The following COPG2 variants were observed in gnomAD, a reference collection of about 807,000 sequenced individuals.
The protein encoded by COPG2 is coat protein complex I subunit gamma 2.
A neutral mutation model predicts 46.3 loss-of-function variants in COPG2; 37 were observed. The observed-to-expected ratio is 0.80, with a 90% CI of 0.61 to 1.05. COPG2 has a LOEUF of 1.05. Ranked by LOEUF, COPG2 falls within the 50% of genes least tolerant of loss-of-function variation. The probability of loss-of-function intolerance (pLI) is 0.00; values close to 1 mark genes in which losing one functional copy is unlikely to be tolerated. For missense variants in COPG2, 427 were observed against 387.8 expected (o/e 1.10, Z -0.85); for synonymous variants, 159 against 129.7 (o/e 1.23, Z -1.53).
chr7:130,555,762 G>A lies in COPG2; in HGVS notation c.1129-630C>T, dbSNP rs990597958. On this transcript the variant is annotated intron_variant, in intron 12 of 23. Transcript: ENST00000425248. Reference sequence around the variant, plus strand: ...TGAGAATTGGTTGAACCTGGGAGGCGGAGGTTGCAGTCAGTTGAGATCGCA... The same window carrying A: ...TGAGAATTGGTTGAACCTGGGAGGCAGAGGTTGCAGTCAGTTGAGATCGCA... 7.9e-5 allele frequency among the ~76,000 whole-genome samples: 12 copies of A among 152,098 alleles called. 1 individual carries two copies. In the South Asian group the frequency reaches 1.0e-3, roughly 13 times the overall value.
chr7:130,651,648 C>G (rs1436065478), intron 5 of COPG2, among the ~76,000 whole-genome samples: 1 of 151,314 alleles, frequency 6.6e-6, no homozygotes, highest in African/African-American at 2.4e-5. Context: ...TCCCGAGTAG[C>G]TGGGACTACA....
chr7:130,556,704 T>G (rs931932771), intron 12 of COPG2, among the ~76,000 whole-genome samples: 54,195 of 151,868 alleles, frequency 0.36, 11,291 homozygotes, highest in African/African-American at 0.58. Context: ...ATGAAATGGG[T>G]TTTATCAAGA....
chr7:130,510,200 T>G, intron 20 of COPG2: 1 of 520,108 alleles, frequency 1.9e-6, no homozygotes, highest in Non-Finnish European at 3.8e-6. Context: ...AGAGAGCAGA[T>G]GGATTCAACA....
At chr7:130,632,721 C>T (rs1276386178) in intron 5 of COPG2, among the ~76,000 whole-genome samples, 1 of 151,966 alleles carries the variant, frequency 6.6e-6, no homozygotes, top group African/African-American at 2.4e-5. Context: ...CATCTCCATT[C>T]TGCTACTGAG....
intron 9 of COPG2, among the ~76,000 whole-genome samples, chr7:130,595,810 C>T (rs1326668034): frequency 3.3e-5 from 5 of 152,176 alleles, no homozygotes; most frequent in East Asian, 1.9e-4. Context: ...GGGACCCCCC[C>T]CCTCCAGCCT....
intron 5 of COPG2, 123 bp downstream of exon 5, chr7:130,652,746 T>C (rs1384204183): frequency 8.9e-6 from 6 of 670,842 alleles, no homozygotes; most frequent in African/African-American, 5.6e-5. Flanking sequence ...TAGAAAAGAA[T>C]GCTTTAAGAT....
chr7:130,509,584 C>T (rs1799562997), intron 20 of COPG2: 2 of 448,762 alleles, frequency 4.5e-6, no homozygotes, highest in Admixed American at 2.3e-5. Context: ...TCAGTCTTGA[C>T]TTTAAATTCC....
At chr7:130,651,494 A>ATTTTTTTTTTTTTTTTTTTTTTTTT (rs59572019) in intron 5 of COPG2, among the ~76,000 whole-genome samples, 2 of 57,242 alleles carry the variant, frequency 3.5e-5, no homozygotes, top group African/African-American at 1.4e-4. Flanking sequence ...ATTTTTTTGT[A>ATTTTTTTTTTTTTTTTTTTTTTTTT]TTTTTTTTTT....
rs35503772 is a variant in COPG2, at chr7:130,629,399, A to ATTT, written c.324-12337_324-12335dup. ...CTTCTGGAATTTTATTATTATTATC[A>ATTT]TTTTTTTTTTTTTGAGACAGAGTTT... On this transcript the variant is annotated intron_variant, in intron 5 of 23. Coordinates refer to ENST00000425248, the MANE Select transcript of COPG2 (RefSeq NM_012133.6). Among the ~76,000 whole-genome samples the ATTT allele has an allele frequency of 2.0e-3, 281 of 140,588 alleles. 3 individuals are homozygous for ATTT. Among genetic ancestry groups the ATTT allele is most frequent in the Admixed American group, 4.2e-3 (59 of 14,040 alleles). The allele number at this position is 140,588 out of a possible 152,430, so 92.2% of individuals were successfully genotyped here.
chr7:130,599,540 C>G (rs541301349), intron 9 of COPG2, among the ~76,000 whole-genome samples: 1 of 152,248 alleles, frequency 6.6e-6, no homozygotes, highest in East Asian at 1.9e-4. Context: ...GTAGCAGCCC[C>G]AAACCCCCCT....
chr7:130,540,209 G>A (rs1176570507), intron 20 of COPG2, among the ~76,000 whole-genome samples: 1 of 152,124 alleles, frequency 6.6e-6, no homozygotes, highest in Non-Finnish European at 1.5e-5. Context: ...AACTGAGCTG[G>A]TGGGTTACAT....
intron 20 of COPG2, among the ~76,000 whole-genome samples, chr7:130,521,971 T>A (rs1413537337): frequency 1.3e-5 from 2 of 152,106 alleles, no homozygotes; most frequent in Admixed American, 6.5e-5. Flanking sequence ...GTAGTATACT[T>A]AAATGTGATT....
intron 9 of COPG2, among the ~76,000 whole-genome samples, chr7:130,605,472 G>A (rs373316097): frequency 3.0e-4 from 45 of 152,332 alleles, no homozygotes; most frequent in African/African-American, 9.1e-4. Context: ...AGAGGAGGCA[G>A]AAGAAATGTG....
intron 20 of COPG2, among the ~76,000 whole-genome samples, chr7:130,540,259 G>A (rs1354953148): frequency 1.3e-5 from 2 of 152,124 alleles, no homozygotes; most frequent in Non-Finnish European, 2.9e-5. Context: ...TGGGGTAGCC[G>A]TCTAAATCCA....
rs782530697 is a variant in COPG2 at position 130,613,634 on chromosome 7, T to C, written c.402A>G (p.Gly134=). 5 of 1,591,390 alleles carry C rather than the reference T, an allele frequency of 3.1e-6. No homozygotes were observed. In the African/African-American group the frequency reaches 5.4e-5, roughly 17 times the overall value. The change falls in exon 7 of 24, where the codon GGA becomes GGG. Residue 134 remains glycine, a splice_region_variant and synonymous_variant. Coordinates refer to ENST00000425248, the MANE Select transcript of COPG2 (RefSeq NM_012133.6). Reference sequence around the variant, plus strand: ...ATCTTTCAATGGCTTGCAACATTGTTCCCTAATAACATTCAAAAAGAAAAA... The same window carrying C: ...ATCTTTCAATGGCTTGCAACATTGTCCCCTAATAACATTCAAAAAGAAAAA... ...AIRALCRITD[G]TMLQAIERYM...
At chr7:130,541,302 T>C (rs931745919) in intron 20 of COPG2, among the ~76,000 whole-genome samples, 2 of 151,560 alleles carry the variant, frequency 1.3e-5, no homozygotes, top group Non-Finnish European at 2.9e-5. Flanking sequence ...AAGTGGGCTG[T>C]GCGGGTGAGA....
At chr7:130,640,485 A>G (rs1563068181) in intron 5 of COPG2, among the ~76,000 whole-genome samples, 2 of 151,992 alleles carry the variant, frequency 1.3e-5, no homozygotes, top group Non-Finnish European at 2.9e-5. Context: ...GATGGGCTCC[A>G]GTAGCTTTAT....
chr7:130,544,360 A>AGAAATTAAAATAATT (rs1793393104), intron 20 of COPG2, among the ~76,000 whole-genome samples: 2 of 152,216 alleles, frequency 1.3e-5, no homozygotes, highest in Non-Finnish European at 2.9e-5. Flanking sequence ...CAGAAAGTCA[A>AGAAATTAAAATAATT]GAAATTAAAA....
chr7:130,541,309 G>A (rs1264314875), intron 20 of COPG2, among the ~76,000 whole-genome samples: 1 of 152,120 alleles, frequency 6.6e-6, no homozygotes, highest in Non-Finnish European at 1.5e-5. Flanking sequence ...CTGTGCGGGT[G>A]AGAGCAGAGA....
Sources: allele counts gnomAD v4.1 joint callset (sites outside exome capture counted in the v4.1 genomes callset), GRCh38; gene constraint gnomAD v4.1.1; transcripts MANE v1.5; gene names NCBI Gene and HGNC (gene_info 2026-07-23, HGNC 2026-07-21).